The following GRIK2 variants were observed in gnomAD, a reference collection of about 807,000 sequenced individuals.
The protein encoded by GRIK2 is glutamate ionotropic receptor kainate type subunit 2, also known as glutamate receptor ionotropic, kainate 2.
GRIK2 carries 32 observed loss-of-function variants against 100.3 expected under a neutral mutation model. That is an observed-to-expected ratio of 0.32 (90% CI 0.24 to 0.43). The LOEUF is 0.43. Among genes scored for constraint, GRIK2 ranks in the 20% least tolerant of loss-of-function variants. GRIK2 has a pLI of 1.00. For missense variants in GRIK2, 843 were observed against 1,114.9 expected (o/e 0.76, Z 3.47); for synonymous variants, 417 against 389.4 (o/e 1.07, Z -0.83).
At chr6:101,993,947 TAAAC>T in intron 14 of GRIK2, 1 of 146,496 alleles carries the variant, frequency 6.8e-6, no homozygotes, top group East Asian at 2.3e-4. Context: ...ATATACATTA[TAAAC>T]AAATGTATAT....
intron 7 of GRIK2, among the ~76,000 whole-genome samples, chr6:101,791,326 C>A (rs984978850): frequency 1.3e-5 from 2 of 152,152 alleles, no homozygotes; most frequent in African/African-American, 2.4e-5. Context: ...ATCTTTCCTG[C>A]TTTCTCTTGT....
chr6:101,614,358 C>T (rs1156470877), intron 2 of GRIK2, among the ~76,000 whole-genome samples: 1 of 151,622 alleles, frequency 6.6e-6, no homozygotes, highest in Non-Finnish European at 1.5e-5. Flanking sequence ...TAAATAAACA[C>T]TCATAAGCAC....
At chr6:101,775,600 A>G (rs1196650755) in intron 7 of GRIK2, among the ~76,000 whole-genome samples, 2 of 151,196 alleles carry the variant, frequency 1.3e-5, no homozygotes, top group African/African-American at 4.9e-5. Flanking sequence ...TTTATAATAA[A>G]CTATAAATTC....
At chr6:102,013,764 A>G (rs1462402449) in intron 14 of GRIK2, among the ~76,000 whole-genome samples, 2 of 152,146 alleles carry the variant, frequency 1.3e-5, no homozygotes, top group Non-Finnish European at 2.9e-5. Context: ...CCAACCTTGA[A>G]TCCCAGGGAA....
At chr6:101,982,608 A>T (rs1426074769) in intron 14 of GRIK2, among the ~76,000 whole-genome samples, 1 of 151,478 alleles carries the variant, frequency 6.6e-6, no homozygotes, top group Non-Finnish European at 1.5e-5. Context: ...AACAACAACA[A>T]CAAAACATCT....
intron 12 of GRIK2, among the ~76,000 whole-genome samples, chr6:101,923,706 A>C (rs748310638): frequency 6.7e-4 from 102 of 151,980 alleles, no homozygotes; most frequent in Admixed American, 9.8e-4. Flanking sequence ...GGATTGTCTG[A>C]GCTCAGGAGT....
chr6:101,850,326 A>G (rs1365886657), intron 10 of GRIK2, among the ~76,000 whole-genome samples: 1 of 152,030 alleles, frequency 6.6e-6, no homozygotes, highest in African/African-American at 2.4e-5. Flanking sequence ...GTGTTGGGAC[A>G]GAGTAAGAGT....
At chr6:101,667,781 A>G (rs1347431722) in intron 4 of GRIK2, among the ~76,000 whole-genome samples, 1 of 152,156 alleles carries the variant, frequency 6.6e-6, no homozygotes, top group African/African-American at 2.4e-5. Flanking sequence ...AAAAATAATC[A>G]AGAGATTTTA....
intron 9 of GRIK2, among the ~76,000 whole-genome samples, chr6:101,812,016 ATATT>A (rs1368827387): frequency 6.6e-6 from 1 of 151,512 alleles, no homozygotes; most frequent in Non-Finnish European, 1.5e-5. Context: ...ATAGTGTAAA[ATATT>A]TATTTAAAAT....
rs1032429723 is a variant in GRIK2 at position 101,936,274 on chromosome 6, CATATA to C, written c.2085+7645_2085+7649del. Among the ~76,000 whole-genome samples the C allele has an allele frequency of 1.4e-4, 22 of 152,032 alleles. 1 individual carries two copies. In the East Asian group the frequency reaches 4.3e-3, roughly 29 times the overall value. On this transcript the variant is annotated intron_variant, in intron 14 of 16. Coordinates refer to ENST00000369134, the MANE Select transcript of GRIK2 (RefSeq NM_021956.5). ...ATATCGCAGTAAAGATTTTTATAGT[CATATA>C]ATTTTCCTAACGCTCCCAAATTATT...
At chr6:101,451,697 G>GC (rs991611268) in intron 2 of GRIK2, among the ~76,000 whole-genome samples, 1 of 46,626 alleles carries the variant, frequency 2.1e-5, no homozygotes, top group African/African-American at 9.7e-5. Flanking sequence ...TATCTCTGAG[G>GC]GGGGGGGGGG....
intron 7 of GRIK2, among the ~76,000 whole-genome samples, chr6:101,775,396 C>T (rs769540339): frequency 3.5e-4 from 53 of 152,170 alleles, no homozygotes; most frequent in Non-Finnish European, 5.0e-4. Flanking sequence ...GCCTACTTTA[C>T]TTGATCTTCA....
intron 2 of GRIK2, among the ~76,000 whole-genome samples, chr6:101,484,723 C>A (rs1416269061): frequency 6.6e-6 from 1 of 151,840 alleles, no homozygotes; most frequent in Non-Finnish European, 1.5e-5. Context: ...CTTCAGGTGT[C>A]AGAGAAATTT....
chr6:101,549,856 T>C (rs905351791), intron 2 of GRIK2, among the ~76,000 whole-genome samples: 1 of 152,200 alleles, frequency 6.6e-6, no homozygotes, highest in East Asian at 1.9e-4. Context: ...AGAACTATAA[T>C]TATCCCCATT....
intron 14 of GRIK2, among the ~76,000 whole-genome samples, chr6:101,958,910 C>T (rs1310553830): frequency 6.6e-6 from 1 of 151,956 alleles, no homozygotes; most frequent in Non-Finnish European, 1.5e-5. Flanking sequence ...TTCTGATGTA[C>T]TGTTGCATTT....
intron 2 of GRIK2, among the ~76,000 whole-genome samples, chr6:101,564,365 TTAAGA>T (rs1421381486): frequency 6.6e-6 from 1 of 152,136 alleles, no homozygotes; most frequent in African/African-American, 2.4e-5. Flanking sequence ...CACAGCAAAA[TTAAGA>T]TCAGGTCACA....
chr6:101,581,672 C>T (rs574494827), intron 2 of GRIK2, among the ~76,000 whole-genome samples: 2 of 152,078 alleles, frequency 1.3e-5, no homozygotes, highest in Admixed American at 6.6e-5. Flanking sequence ...TAAGAATACT[C>T]CATGCCTTCC....
At chr6:101,518,151 C>T (rs9285546) in intron 2 of GRIK2, among the ~76,000 whole-genome samples, 27,486 of 151,874 alleles carry the variant, frequency 0.18, 3,037 homozygotes, top group South Asian at 0.3. Context: ...TATTGGAATG[C>T]GTTTTGTTTA....
At chr6:101,432,380 A>G (rs1381528785) in intron 2 of GRIK2, among the ~76,000 whole-genome samples, 1 of 152,190 alleles carries the variant, frequency 6.6e-6, no homozygotes, top group Non-Finnish European at 1.5e-5. Context: ...CCTTTGGAGT[A>G]TTCTTAAGTT....
Sources: gnomAD v4.1 joint callset for allele counts (sites outside exome capture counted in the v4.1 genomes callset) on GRCh38, gnomAD v4.1.1 for gene constraint, MANE v1.5 for transcripts, NCBI Gene and HGNC (gene_info 2026-07-23, HGNC 2026-07-21) for gene names.